The following GRIK4 variants were observed in gnomAD, a reference collection of about 807,000 sequenced individuals.
GRIK4 encodes the protein glutamate ionotropic receptor kainate type subunit 4.
Under a neutral mutation model 104.9 loss-of-function variants are expected in GRIK4, and 40 were observed. That is an observed-to-expected ratio of 0.38 (90% CI 0.30 to 0.50). The LOEUF (loss-of-function observed/expected upper bound fraction) is 0.50, where lower values mean the gene tolerates loss of function less well. Ranked by LOEUF, GRIK4 falls within the 20% of genes least tolerant of loss-of-function variation. GRIK4 has a pLI of 0.93. For synonymous variants in GRIK4, 485 were observed against 524.9 expected (o/e 0.92, Z 1.04); for missense variants, 1,047 against 1,308.1 (o/e 0.80, Z 3.08).
intron 1 of GRIK4, among the ~76,000 whole-genome samples, chr11:120,560,938 C>G (rs181810275): frequency 4.7e-4 from 72 of 152,340 alleles, no homozygotes; most frequent in Middle Eastern, 3.4e-3. Flanking sequence ...CTCCTTCCCC[C>G]CTTCCACGCC....
intron 3 of GRIK4, among the ~76,000 whole-genome samples, chr11:120,782,977 C>T (rs1435051436): frequency 6.6e-6 from 1 of 152,216 alleles, no homozygotes; most frequent in Non-Finnish European, 1.5e-5. Flanking sequence ...CTTAATCACA[C>T]TCACGAGGGA....
At chr11:120,947,174 C>T (rs1331411751) in intron 14 of GRIK4, among the ~76,000 whole-genome samples, 1 of 152,174 alleles carries the variant, frequency 6.6e-6, no homozygotes, top group African/African-American at 2.4e-5. Context: ...GAGGCCGAGG[C>T]AGGCGGATTA....
intron 1 of GRIK4, chr11:120,620,159 A>T: frequency 1.2e-6 from 1 of 842,482 alleles, no homozygotes; most frequent in Non-Finnish European, 2.1e-6. Context: ...CCTGATGTTA[A>T]TGCATGTTCT....
intron 3 of GRIK4, among the ~76,000 whole-genome samples, chr11:120,750,252 T>C (rs879553844): frequency 1.3e-5 from 2 of 151,816 alleles, no homozygotes; most frequent in Non-Finnish European, 2.9e-5. Flanking sequence ...CATTAAAACA[T>C]GTTCACTGAA....
chr11:120,678,925 G>A (rs1950146645), intron 3 of GRIK4, among the ~76,000 whole-genome samples: 1 of 123,380 alleles, frequency 8.1e-6, no homozygotes, highest in Non-Finnish European at 1.8e-5. Flanking sequence ...GAGCCACCAC[G>A]CCTGGCCTGG....
chr11:120,821,514 C>T (rs892470550), intron 6 of GRIK4, among the ~76,000 whole-genome samples: 2 of 152,122 alleles, frequency 1.3e-5, no homozygotes, highest in African/African-American at 2.4e-5. Flanking sequence ...GTGTCATCTG[C>T]GAGCCCTTGA....
At chr11:120,753,297 CTGTGTGTGTGTGTG>C (rs57423619) in intron 3 of GRIK4, among the ~76,000 whole-genome samples, 487 of 130,276 alleles carry the variant, frequency 3.7e-3, no homozygotes, top group Non-Finnish European at 5.0e-3. Flanking sequence ...CAACACAACT[CTGTGTGTGTGTGTG>C]TGTGTGTGTG....
chr11:120,735,721 G>A (rs1951210173), intron 3 of GRIK4, among the ~76,000 whole-genome samples: 1 of 151,838 alleles, frequency 6.6e-6, no homozygotes, highest in Admixed American at 6.6e-5. Flanking sequence ...TCTACCTGGT[G>A]TTCTATTCTT....
rs138156791 is a variant in GRIK4 at position 120,837,070 on chromosome 11, T to C, written c.744+226T>C. On this transcript the variant is annotated intron_variant, in intron 8 of 20. Coordinates refer to ENST00000527524, the MANE Select transcript of GRIK4 (RefSeq NM_014619.5). ...TCTAATGCCTCCATTCAAATGCCGC[T>C]AGCTACATAAAGCGAATTCTGGGCT... Among the ~76,000 whole-genome samples the C allele has an allele frequency of 2.0e-5, 3 of 152,318 alleles. No homozygotes were observed. In the East Asian group the frequency reaches 5.8e-4, roughly 29 times the overall value.
At position 120,956,691 on chromosome 11, in the gene GRIK4, C is replaced by G. The variant is rs371503449; in HGVS notation, c.1701-89C>G. On this transcript the variant is annotated intron_variant, in intron 15 of 20. Coordinates refer to ENST00000527524, the MANE Select transcript of GRIK4 (RefSeq NM_014619.5). This position sits in a 1 kb window ranked among gnomAD's most constrained non-coding sequence, Gnocchi z 4.6. ...GGCTTGCCCAAGGCCACAGGCCGGT[C>G]TCAGAGGTGAGACCAGCCAGGAGAG... The G allele has an allele frequency of 6.6e-4, 641 of 977,646 alleles. 12 individuals carry two copies. The South Asian group carries it at 0.018, about 28-fold the overall frequency. The allele number at this position is 977,646 out of a possible 1,614,324, so 60.6% of individuals were successfully genotyped here.
intron 1 of GRIK4, among the ~76,000 whole-genome samples, chr11:120,634,847 C>T (rs1274030647): frequency 6.6e-6 from 1 of 152,132 alleles, no homozygotes; most frequent in East Asian, 1.9e-4. Flanking sequence ...ACGGAGTCGC[C>T]AAGCATGTGA....
intron 1 of GRIK4, among the ~76,000 whole-genome samples, chr11:120,584,333 G>C (rs1948628607): frequency 6.6e-6 from 1 of 152,168 alleles, no homozygotes; most frequent in South Asian, 2.1e-4. Context: ...CCTGAGACTG[G>C]TAATTTATAA....
intron 1 of GRIK4, among the ~76,000 whole-genome samples, chr11:120,553,802 G>A (rs369081406): frequency 6.6e-6 from 1 of 152,180 alleles, no homozygotes; most frequent in African/African-American, 2.4e-5. Flanking sequence ...TTGCCTGCCT[G>A]TATGTCACTT....
At chr11:120,966,834 T>G (rs1468188535) in intron 18 of GRIK4, among the ~76,000 whole-genome samples, 1 of 152,278 alleles carries the variant, frequency 6.6e-6, no homozygotes, top group East Asian at 1.9e-4. Context: ...ACCATCTTTT[T>G]AATTTAGAAA....
rs934260304 is a variant in GRIK4 at position 120,549,650 on chromosome 11, G to T, written c.-159+37763G>T. 6.6e-6 allele frequency among the ~76,000 whole-genome samples: 1 copy of T among 152,222 alleles called. No homozygotes were observed. The highest frequency in any genetic ancestry group is 6.5e-5 in the Admixed American group (1 of 15,280). On this transcript the variant is annotated intron_variant, in intron 1 of 20. Coordinates refer to ENST00000527524, the MANE Select transcript of GRIK4 (RefSeq NM_014619.5). The surrounding 1 kb of genome is among the most constrained non-coding windows in gnomAD (Gnocchi z 4.7). ...AAACGCTGCTCAGCTCACAGCAGGG[G>T]CCTGGGACAAGACAAGCAGAGGCTG...
chr11:120,691,518 T>C (rs1950363339), intron 3 of GRIK4, among the ~76,000 whole-genome samples: 1 of 152,220 alleles, frequency 6.6e-6, no homozygotes, highest in Non-Finnish European at 1.5e-5. Context: ...TAATAAATGA[T>C]AACACCTAGG....
At chr11:120,870,996 C>G (rs1954594624) in intron 9 of GRIK4, 2 of 152,882 alleles carry the variant, frequency 1.3e-5, no homozygotes, top group South Asian at 4.1e-4. Context: ...GATCCACCTG[C>G]CTCGGCCTCC....
At chr11:120,869,803 G>A (rs1345485753) in intron 9 of GRIK4, 1 of 152,398 alleles carries the variant, frequency 6.6e-6, no homozygotes, top group African/African-American at 2.4e-5. Flanking sequence ...ATGCCTCTGA[G>A]AGGAAAGGGA....
rs769410173 is a variant in GRIK4, at chr11:120,952,805, C to T, written c.1591-50C>T. 5 of 1,288,904 alleles carry T rather than the reference C, an allele frequency of 3.9e-6. No individual in the cohort carries two copies. In the South Asian group the frequency reaches 5.9e-5, roughly 15 times the overall value. 79.8% of individuals were successfully genotyped at this position (1,288,904 alleles called of 1,614,324 possible). On this transcript the variant is annotated intron_variant, in intron 14 of 20. Coordinates refer to ENST00000527524, the MANE Select transcript of GRIK4 (RefSeq NM_014619.5). This position sits in a 1 kb window ranked among gnomAD's most constrained non-coding sequence, Gnocchi z 5.2. ...TACCCCGCCCTGCCTGCCCCAAGGT[C>T]ATGTTGACTGAATATGTGCGGTGAA...
Sources: allele counts gnomAD v4.1 joint callset (sites outside exome capture counted in the v4.1 genomes callset), GRCh38; gene constraint gnomAD v4.1.1; non-coding constraint Gnocchi (gnomAD v3.1); transcripts MANE v1.5; gene names NCBI Gene and HGNC (gene_info 2026-07-23, HGNC 2026-07-21).